The following AK5 variants were observed in gnomAD, a reference collection of about 807,000 sequenced individuals.
The protein encoded by AK5 is adenylate kinase 5, also known as adenylate kinase isoenzyme 5.
A neutral mutation model predicts 69.5 loss-of-function variants in AK5; 27 were observed. The observed-to-expected ratio is 0.39, with a 90% CI of 0.29 to 0.54. The LOEUF is 0.54. AK5 is among the 20% of genes least tolerant of loss of function. The probability of loss-of-function intolerance (pLI) is 0.71; values close to 1 mark genes in which losing one functional copy is unlikely to be tolerated. For synonymous variants in AK5, 260 were observed against 244.4 expected, an observed-to-expected ratio of 1.06 and a Z score of -0.60; for missense variants, 531 against 700.4, an observed-to-expected ratio of 0.76 and a Z score of 2.73.
intron 1 of AK5, 146 bp downstream of exon 1, chr1:77,282,519 A>C: frequency 1.5e-6 from 2 of 1,376,612 alleles, no homozygotes; most frequent in Non-Finnish European, 1.9e-6. Context: ...CGCTCCCCCG[A>C]GGGTAGTCGC....
intron 8 of AK5, among the ~76,000 whole-genome samples, chr1:77,473,426 G>A (rs1188679186): frequency 6.6e-6 from 1 of 151,734 alleles, no homozygotes; most frequent in Non-Finnish European, 1.5e-5. Flanking sequence ...CTCCTACACG[G>A]TCTAAGAATC....
rs1254677597 is a variant in AK5, at chr1:77,559,505, A to ACAT, written c.*836_*838dup. On this transcript the variant is annotated 3_prime_UTR_variant, in exon 14 of 14. Transcript: ENST00000354567. ...ATATTTGCTATTTCATTCATTGGGC[A>ACAT]CATATCAAATTATAATTTTGATTTT... 2 of 151,998 alleles carry ACAT rather than the reference A, an allele frequency of 1.3e-5. No individual in the cohort carries two copies. Among genetic ancestry groups the ACAT allele is most frequent in the African/African-American group, 2.4e-5 (1 of 41,402 alleles). The allele number at this position is 151,998 out of a possible 1,614,324, so 9.4% of individuals were successfully genotyped here. A position where few individuals can be genotyped will look rare whatever the true frequency, so the allele number is the denominator to read the frequency against.
At chr1:77,405,695 C>G (rs1181708251) in intron 6 of AK5, among the ~76,000 whole-genome samples, 8 of 152,110 alleles carry the variant, frequency 5.3e-5, no homozygotes, top group Non-Finnish European at 1.0e-4. Context: ...GTGGAGGGAT[C>G]CAACTCCCCC....
At chr1:77,422,728 T>C (rs1485315624) in intron 8 of AK5, among the ~76,000 whole-genome samples, 1 of 152,228 alleles carries the variant, frequency 6.6e-6, no homozygotes, top group Non-Finnish European at 1.5e-5. Flanking sequence ...TCAGGTACTA[T>C]GTTCTGCTCT....
At chr1:77,304,938 A>G (rs1259581017) in intron 5 of AK5, among the ~76,000 whole-genome samples, 3 of 152,110 alleles carry the variant, frequency 2.0e-5, no homozygotes. Context: ...TGGTTGGACT[A>G]TTTACATTCC....
intron 8 of AK5, among the ~76,000 whole-genome samples, chr1:77,451,768 G>A (rs1226625177): frequency 1.3e-5 from 2 of 152,050 alleles, no homozygotes; most frequent in South Asian, 2.1e-4. Flanking sequence ...TTCTGTCGGC[G>A]ATTGCCTTTG....
intron 10 of AK5, among the ~76,000 whole-genome samples, chr1:77,503,676 C>T (rs534336895): frequency 1.0e-3 from 155 of 152,114 alleles, no homozygotes; most frequent in Middle Eastern, 3.4e-3. Context: ...CCGAGGCAGA[C>T]GGATCACCTG....
In AK5 at chr1:77,388,748, G is replaced by GAAA; in HGVS notation, c.892-22221_892-22219dup. ...CAATGTGGGAAGCATAAGCTCTATG[G>GAAA]AAAAAAAAAAAAAAGATTAATTACA... On this transcript the variant is annotated intron_variant, in intron 6 of 13. Coordinates refer to ENST00000354567, the MANE Select transcript of AK5 (RefSeq NM_174858.3). Among the ~76,000 whole-genome samples, 4 of 143,630 alleles carry GAAA rather than the reference G, an allele frequency of 2.8e-5. No homozygotes were observed. In the Middle Eastern group the frequency reaches 0.011, roughly 387 times the overall value. The allele number at this position is 143,630 out of a possible 152,430, so 94.2% of individuals were successfully genotyped here.
In AK5 at chr1:77,282,117, G is replaced by A. The variant is rs936097989; in HGVS notation, c.-197G>A. On this transcript the variant is annotated 5_prime_UTR_variant, in exon 1 of 14. Transcript: ENST00000354567. ...TGGAACCGAAGCGGGGGCGGCGGGA[G>A]CGCGGAGACCACAGCCCCCGGGGAG... 1.3e-4 allele frequency: 58 copies of A among 433,074 alleles called. No individual in the cohort carries two copies. The Admixed American group carries it at 1.8e-3, about 13-fold the overall frequency. 26.8% of individuals were successfully genotyped at this position (433,074 alleles called of 1,614,324 possible).
rs897275075 is a variant in AK5, at chr1:77,505,087, G to A, written c.1148-13477G>A. On this transcript the variant is annotated intron_variant, in intron 10 of 13. Transcript: ENST00000354567. ...ATTGCCCTTCAAAACAGTTGTGCCC[G>A]TTTTATGTTCCCATCACAATGTGTA... is the stretch of plus-strand genomic sequence containing the variant. Among the ~76,000 whole-genome samples, 10 of 152,150 alleles carry A rather than the reference G, an allele frequency of 6.6e-5. No individual in the cohort carries two copies. The South Asian group carries it at 1.2e-3, about 19-fold the overall frequency.
intron 6 of AK5, among the ~76,000 whole-genome samples, chr1:77,397,912 T>C (rs909939327): frequency 1.3e-5 from 2 of 152,144 alleles, no homozygotes; most frequent in Admixed American, 6.5e-5. Flanking sequence ...AATAAATAAA[T>C]AAATAAAATT....
intron 5 of AK5, among the ~76,000 whole-genome samples, chr1:77,338,264 T>C (rs73004434): frequency 0.067 from 10,245 of 152,262 alleles, 430 homozygotes; most frequent in Non-Finnish European, 0.085. Flanking sequence ...CACCTGGCCA[T>C]TTGAACAATG....
intron 6 of AK5, among the ~76,000 whole-genome samples, chr1:77,408,805 T>C (rs1649832062): frequency 6.6e-6 from 1 of 152,194 alleles, no homozygotes; most frequent in South Asian, 2.1e-4. Flanking sequence ...TAAAGGTTTG[T>C]TACATAGGTA....
At chr1:77,451,001 C>A (rs538665597) in intron 8 of AK5, among the ~76,000 whole-genome samples, 1 of 151,800 alleles carries the variant, frequency 6.6e-6, no homozygotes, top group African/African-American at 2.4e-5. Flanking sequence ...CATAGTGAGC[C>A]CTCATCTCTA....
intron 10 of AK5, among the ~76,000 whole-genome samples, chr1:77,515,680 G>A (rs1657603709): frequency 6.6e-6 from 1 of 152,198 alleles, no homozygotes. Flanking sequence ...CTGAGGGTGA[G>A]AGGTCTGGCT....
chr1:77,335,564 T>C (rs1354303149), intron 5 of AK5, among the ~76,000 whole-genome samples: 2 of 152,194 alleles, frequency 1.3e-5, no homozygotes, highest in African/African-American at 4.8e-5. Flanking sequence ...TCTTTTAAAA[T>C]AGAATGATGT....
At chr1:77,528,612 T>C (rs907816779) in intron 12 of AK5, among the ~76,000 whole-genome samples, 1 of 152,204 alleles carries the variant, frequency 6.6e-6, no homozygotes, top group Non-Finnish European at 1.5e-5. Context: ...CCCAAGCTGG[T>C]TTTATCCCTG....
chr1:77,399,956 C>T (rs1460554444), intron 6 of AK5, among the ~76,000 whole-genome samples: 1 of 152,218 alleles, frequency 6.6e-6, no homozygotes, highest in Non-Finnish European at 1.5e-5. Context: ...CTGCCTCTTG[C>T]AGTCAACTTT....
intron 8 of AK5, among the ~76,000 whole-genome samples, chr1:77,428,535 C>T (rs1433033320): frequency 3.9e-5 from 6 of 152,244 alleles, no homozygotes; most frequent in Non-Finnish European, 7.4e-5. Flanking sequence ...TTTGTCCATT[C>T]AACCAGCTTC....
Sources: allele counts gnomAD v4.1 joint callset (sites outside exome capture counted in the v4.1 genomes callset), GRCh38; gene constraint gnomAD v4.1.1; transcripts MANE v1.5; gene names NCBI Gene and HGNC (gene_info 2026-07-23, HGNC 2026-07-21).